The following DOCK1 variants were observed in gnomAD, a reference collection of about 807,000 sequenced individuals.
The protein encoded by DOCK1 is dedicator of cytokinesis protein 1.
A neutral mutation model predicts 262.7 loss-of-function variants in DOCK1; 138 were observed. That is an observed-to-expected ratio of 0.53 (90% CI 0.46 to 0.61). The LOEUF is 0.61. DOCK1 is among the 20% of genes least tolerant of loss of function. The probability of loss-of-function intolerance (pLI) is 0.00; values close to 1 mark genes in which losing one functional copy is unlikely to be tolerated. For synonymous variants in DOCK1, 866 were observed against 867.4 expected (o/e 1.00, Z 0.03); for missense variants, 1,908 against 2,370.7 (o/e 0.80, Z 4.05).
At position 127,175,355 on chromosome 10, in the gene DOCK1, T is replaced by C. The variant is rs371719700; in HGVS notation, c.2847+47591T>C. ...CCACTTCCGTATGAGGCACGATTCG[T>C]TGGCATTCTTCACCTGCAGCAACCG... On this transcript the variant is annotated intron_variant, in intron 27 of 51. Coordinates refer to ENST00000623213, the MANE Select transcript of DOCK1 (RefSeq NM_001290223.2). This position sits in a 1 kb window ranked among gnomAD's most constrained non-coding sequence, Gnocchi z 6.3. 2.5e-6 allele frequency: 4 copies of C among 1,614,006 alleles called. No homozygotes were observed. Among genetic ancestry groups the C allele is most frequent in the African/African-American group, 2.7e-5 (2 of 74,916 alleles).
chr10:127,144,294 TCCA>T (rs1176940070), intron 27 of DOCK1, among the ~76,000 whole-genome samples: 1 of 152,096 alleles, frequency 6.6e-6, no homozygotes, highest in Non-Finnish European at 1.5e-5. Flanking sequence ...AATAACAAAG[TCCA>T]CCCTCCCCCC....
At chr10:127,016,808 C>T (rs1222805856) in intron 12 of DOCK1, among the ~76,000 whole-genome samples, 1 of 148,044 alleles carries the variant, frequency 6.8e-6, no homozygotes, top group African/African-American at 2.6e-5. Flanking sequence ...ATACAGACAC[C>T]ACAAACACAC....
intron 46 of DOCK1, among the ~76,000 whole-genome samples, chr10:127,423,708 A>G (rs554270028): frequency 1.3e-5 from 2 of 152,290 alleles, no homozygotes; most frequent in South Asian, 4.2e-4. Flanking sequence ...GACAAGCATG[A>G]CTGTTGTGTC....
At chr10:126,968,538 T>G (rs2037850132) in intron 1 of DOCK1, among the ~76,000 whole-genome samples, 1 of 152,192 alleles carries the variant, frequency 6.6e-6, no homozygotes, top group African/African-American at 2.4e-5. Context: ...GAGTAGGGTA[T>G]TTAGAGGTGA....
At chr10:127,318,040 T>A (rs1590414649) in intron 29 of DOCK1, among the ~76,000 whole-genome samples, 1 of 152,352 alleles carries the variant, frequency 6.6e-6, no homozygotes, top group Non-Finnish European at 1.5e-5. Flanking sequence ...GCTCAGGACT[T>A]ATTTCCCTTC....
rs1461166896 is a variant in DOCK1, at chr10:127,176,734, A to G, written c.2847+48970A>G. 9.4e-6 allele frequency: 2 copies of G among 213,122 alleles called. No individual in the cohort carries two copies. 13.2% of individuals were successfully genotyped at this position (213,122 alleles called of 1,614,324 possible). A position where few individuals can be genotyped will look rare whatever the true frequency, so the allele number is the denominator to read the frequency against. On this transcript the variant is annotated intron_variant, in intron 27 of 51. Coordinates refer to ENST00000623213, the MANE Select transcript of DOCK1 (RefSeq NM_001290223.2). This position sits in a 1 kb window ranked among gnomAD's most constrained non-coding sequence, Gnocchi z 4.4. Reference sequence around the variant, plus strand: ...TGCTGCCTCTTCTGCTTTGCAAATTATCTTTTCACACGCGTGACTCCCCTT... The same window carrying G: ...TGCTGCCTCTTCTGCTTTGCAAATTGTCTTTTCACACGCGTGACTCCCCTT...
At chr10:127,180,345 C>CCATGGA (rs2055607177) in intron 27 of DOCK1, among the ~76,000 whole-genome samples, 1 of 152,146 alleles carries the variant, frequency 6.6e-6, no homozygotes, top group Non-Finnish European at 1.5e-5. Flanking sequence ...CCCTAGAGAA[C>CCATGGA]CATGGACTCT....
At chr10:127,210,474 G>A (rs1488813802) in intron 27 of DOCK1, among the ~76,000 whole-genome samples, 3 of 152,206 alleles carry the variant, frequency 2.0e-5, no homozygotes, top group South Asian at 2.1e-4. Flanking sequence ...CTGTGATTAC[G>A]GTGGAATAAC....
intron 27 of DOCK1, among the ~76,000 whole-genome samples, chr10:127,229,196 C>T (rs1200976543): frequency 6.6e-6 from 1 of 152,160 alleles, no homozygotes; most frequent in Non-Finnish European, 1.5e-5. Context: ...TGCACTCCAG[C>T]CTGGGTGACA....
At chr10:127,265,089 G>A (rs899866228) in intron 29 of DOCK1, among the ~76,000 whole-genome samples, 3 of 152,170 alleles carry the variant, frequency 2.0e-5, no homozygotes, top group African/African-American at 7.2e-5. Flanking sequence ...GTTAGGAAAT[G>A]CGTAAGATGT....
chr10:126,939,866 T>G (rs2034858107), intron 1 of DOCK1, among the ~76,000 whole-genome samples: 1 of 152,180 alleles, frequency 6.6e-6, no homozygotes, highest in Non-Finnish European at 1.5e-5. Flanking sequence ...TCGGCAGCTG[T>G]AAGTGTGACG....
intron 1 of DOCK1, among the ~76,000 whole-genome samples, chr10:126,954,876 C>G (rs1440848223): frequency 1.3e-5 from 2 of 152,174 alleles, no homozygotes; most frequent in African/African-American, 4.8e-5. Context: ...GTGAATAATG[C>G]TGCTGTGAAC....
chr10:126,999,832 C>A (rs1010222861), intron 9 of DOCK1, among the ~76,000 whole-genome samples: 1 of 152,134 alleles, frequency 6.6e-6, no homozygotes, highest in African/African-American at 2.4e-5. Flanking sequence ...TGCACCACCA[C>A]ACCTTGCTAA....
At chr10:127,040,334 C>T (rs1228389686) in intron 19 of DOCK1, among the ~76,000 whole-genome samples, 5 of 152,206 alleles carry the variant, frequency 3.3e-5, no homozygotes, top group African/African-American at 7.2e-5. Flanking sequence ...TTTTGTTTCC[C>T]ACTGTTTGCA....
intron 1 of DOCK1, among the ~76,000 whole-genome samples, chr10:126,931,653 C>T (rs1307035340): frequency 2.0e-5 from 3 of 152,168 alleles, no homozygotes; most frequent in Non-Finnish European, 2.9e-5. Context: ...TTTCCAGCTC[C>T]ACATTCCCAT....
chr10:127,373,020 A>G (rs762533134), intron 33 of DOCK1, among the ~76,000 whole-genome samples: 3 of 152,176 alleles, frequency 2.0e-5, no homozygotes, highest in Admixed American at 6.5e-5. Flanking sequence ...GATGGGGAAA[A>G]CATGTCCATT....
chr10:126,907,428 A>G (rs1045345879), intron 1 of DOCK1, among the ~76,000 whole-genome samples: 1 of 152,022 alleles, frequency 6.6e-6, no homozygotes, highest in Non-Finnish European at 1.5e-5. Context: ...GGGGGCCATC[A>G]CTGCTCCCAT....
chr10:127,166,743 T>A (rs1322934109), intron 27 of DOCK1, among the ~76,000 whole-genome samples: 2 of 152,246 alleles, frequency 1.3e-5, no homozygotes, highest in Non-Finnish European at 2.9e-5. Context: ...ATGGAGTTTT[T>A]AAAATTATTT....
intron 9 of DOCK1, among the ~76,000 whole-genome samples, chr10:126,999,738 G>A (rs1051072576): frequency 2.6e-5 from 4 of 152,142 alleles, no homozygotes; most frequent in East Asian, 1.9e-4. Flanking sequence ...ATGCAATGGC[G>A]TGATCTCGGC....
Sources: allele counts gnomAD v4.1 joint callset (sites outside exome capture counted in the v4.1 genomes callset), GRCh38; gene constraint gnomAD v4.1.1; non-coding constraint Gnocchi (gnomAD v3.1); transcripts MANE v1.5; gene names NCBI Gene and HGNC (gene_info 2026-07-23, HGNC 2026-07-21).